Variants in LSAMP observed in about 807,000 individuals in gnomAD.
The protein encoded by LSAMP is limbic system associated membrane protein, also known as limbic system-associated membrane protein.
A neutral mutation model predicts 38.6 loss-of-function variants in LSAMP; 7 were observed. The ratio of observed to expected loss-of-function variants is 0.18; its 90% CI spans 0.10 to 0.34. The LOEUF (loss-of-function observed/expected upper bound fraction) is 0.34. Ranked by LOEUF, LSAMP falls within the 10% of genes least tolerant of loss-of-function variation. The pLI is 1.00. For synonymous variants in LSAMP, 154 were observed against 166.8 expected (o/e 0.92, Z 0.59); for missense variants, 313 against 420.0 (o/e 0.75, Z 2.23).
chr3:116,388,151 G>T (rs1002579894), intron 1 of LSAMP, among the ~76,000 whole-genome samples: 1 of 151,986 alleles, frequency 6.6e-6, no homozygotes, highest in African/African-American at 2.4e-5. Context: ...TGCTGAAGAT[G>T]GTGTAGTAGT....
At chr3:115,874,237 C>T (rs919986362) in intron 3 of LSAMP, among the ~76,000 whole-genome samples, 1 of 152,078 alleles carries the variant, frequency 6.6e-6, no homozygotes, top group Non-Finnish European at 1.5e-5. Context: ...ACATTCCTTT[C>T]TCTTTCTGGG....
intron 1 of LSAMP, among the ~76,000 whole-genome samples, chr3:116,183,125 T>C (rs866731122): frequency 6.6e-6 from 1 of 151,872 alleles, no homozygotes; most frequent in Non-Finnish European, 1.5e-5. Flanking sequence ...GAATTATCCA[T>C]ATGTGACCTC....
intron 1 of LSAMP, among the ~76,000 whole-genome samples, chr3:116,427,385 G>T (rs1381246559): frequency 6.6e-6 from 1 of 151,984 alleles, no homozygotes; most frequent in Non-Finnish European, 1.5e-5. Context: ...CTCCCAAAGT[G>T]CTGGGATTAC....
At chr3:116,349,792 T>C in intron 1 of LSAMP, among the ~76,000 whole-genome samples, 1 of 152,014 alleles carries the variant, frequency 6.6e-6, no homozygotes, top group Non-Finnish European at 1.5e-5. Flanking sequence ...AAGGGAATAC[T>C]AGCTTCACAC....
At chr3:116,210,993 C>T (rs2046149283) in intron 1 of LSAMP, among the ~76,000 whole-genome samples, 1 of 151,238 alleles carries the variant, frequency 6.6e-6, no homozygotes, top group South Asian at 2.1e-4. Context: ...TGGAATACTA[C>T]TCAACCTTAA....
chr3:115,834,531 A>G (rs1370936986), intron 6 of LSAMP: 1 of 1,279,226 alleles, frequency 7.8e-7, no homozygotes, highest in South Asian at 1.2e-5. Flanking sequence ...TGACCCAGGA[A>G]GAGAGCTACA....
intron 1 of LSAMP, among the ~76,000 whole-genome samples, chr3:116,393,742 T>G (rs1169876193): frequency 1.3e-5 from 2 of 152,198 alleles, no homozygotes; most frequent in Non-Finnish European, 2.9e-5. Context: ...CCTTTTAACT[T>G]ATAGATGTGA....
Position 116,167,207 on chromosome 3 carries a change from C to T in LSAMP, c.156-80651G>A, listed in dbSNP as rs150859600. Among the ~76,000 whole-genome samples, 318 of 152,244 alleles carry T rather than the reference C, an allele frequency of 2.1e-3. 1 individual carries two copies. Among genetic ancestry groups the T allele is most frequent in the African/African-American group, 6.9e-3 (285 of 41,540 alleles). ...GTGCACCTGTCACCCAAGCAGTGTA[C>T]ACTGTACCCAATATGTAGTCTTTTT... On this transcript the variant is annotated intron_variant, in intron 1 of 6. Transcript: ENST00000490035.
At chr3:116,069,431 T>A (rs1225947013) in intron 2 of LSAMP, among the ~76,000 whole-genome samples, 2 of 152,220 alleles carry the variant, frequency 1.3e-5, no homozygotes, top group Non-Finnish European at 2.9e-5. Context: ...ATCACTATTG[T>A]TAGCAGCCGA....
intron 1 of LSAMP, among the ~76,000 whole-genome samples, chr3:116,270,217 C>T (rs1437035511): frequency 1.3e-5 from 2 of 152,056 alleles, no homozygotes; most frequent in Non-Finnish European, 2.9e-5. Flanking sequence ...ACCGCAGACC[C>T]TTTTAGTCAC....
intron 3 of LSAMP, among the ~76,000 whole-genome samples, chr3:115,861,651 T>A (rs1236963818): frequency 2.6e-5 from 4 of 152,172 alleles, no homozygotes; most frequent in Non-Finnish European, 5.9e-5. Context: ...AGCTAATGAC[T>A]TCCTAAGTGT....
At chr3:116,406,522 C>T (rs767786140) in intron 1 of LSAMP, among the ~76,000 whole-genome samples, 3 of 151,942 alleles carry the variant, frequency 2.0e-5, no homozygotes, top group African/African-American at 4.8e-5. Context: ...CATTTGCTTC[C>T]TGCCTTTTTT....
chr3:116,152,484 C>T (rs1340266590), intron 1 of LSAMP, among the ~76,000 whole-genome samples: 1 of 152,074 alleles, frequency 6.6e-6, no homozygotes, highest in African/African-American at 2.4e-5. Flanking sequence ...TGCACTGCCT[C>T]GGCCACTTTT....
At chr3:116,133,357 C>T (rs1485604973) in intron 1 of LSAMP, among the ~76,000 whole-genome samples, 2 of 151,894 alleles carry the variant, frequency 1.3e-5, no homozygotes, top group Non-Finnish European at 2.9e-5. Context: ...GTGGCGTGAT[C>T]ACAGCTCACT....
At chr3:116,387,487 C>T (rs913174123) in intron 1 of LSAMP, among the ~76,000 whole-genome samples, 4 of 152,022 alleles carry the variant, frequency 2.6e-5, no homozygotes, top group Non-Finnish European at 2.9e-5. Context: ...ATCACATGTA[C>T]CCTAAAAATA....
intron 3 of LSAMP, among the ~76,000 whole-genome samples, chr3:115,900,122 CA>C (rs1182823345): frequency 6.6e-6 from 1 of 152,140 alleles, no homozygotes; most frequent in African/African-American, 2.4e-5. Context: ...CAGAGAATTT[CA>C]GTGTGGGTTG....
In LSAMP at chr3:116,085,125, G is replaced by A. The variant is rs372384356; in HGVS notation, c.388+1199C>T. On this transcript the variant is annotated intron_variant, in intron 2 of 6. Coordinates refer to ENST00000490035, the MANE Select transcript of LSAMP (RefSeq NM_002338.5). ...CTTTCTTGTAATGGAGCTTAAGTACGCTCTACTAAGCTACAAGAAAAACAT... is the reference window on the plus strand; with the variant it reads ...CTTTCTTGTAATGGAGCTTAAGTACACTCTACTAAGCTACAAGAAAAACAT... Among the ~76,000 whole-genome samples the A allele has an allele frequency of 1.4e-4, 21 of 152,190 alleles. 2 individuals are homozygous for A. Among genetic ancestry groups the A allele is most frequent in the African/African-American group, 3.6e-4 (15 of 41,528 alleles).
intron 1 of LSAMP, among the ~76,000 whole-genome samples, chr3:116,110,252 G>A (rs1226900161): frequency 1.3e-5 from 2 of 151,896 alleles, no homozygotes; most frequent in South Asian, 2.1e-4. Flanking sequence ...AGGGGTTGGG[G>A]TACTTGCCCT....
chr3:116,273,813 T>TCTCTC (rs1366882405), intron 1 of LSAMP, among the ~76,000 whole-genome samples: 12 of 136,816 alleles, frequency 8.8e-5, no homozygotes, highest in East Asian at 6.5e-4. Context: ...TTTTCTTTCT[T>TCTCTC]TCTCTCTCTC....
Sources: allele counts gnomAD v4.1 joint callset (sites outside exome capture counted in the v4.1 genomes callset), GRCh38; gene constraint gnomAD v4.1.1; transcripts MANE v1.5; gene names NCBI Gene and HGNC (gene_info 2026-07-23, HGNC 2026-07-21).